RBFOX1: variants seen among roughly 807,000 people sequenced by gnomAD.
RBFOX1 encodes the protein RNA binding fox-1 homolog 1, also known as RNA binding protein fox-1 homolog 1.
In RBFOX1, 8 loss-of-function variants were observed where a neutral mutation model predicts 57.7. The ratio of observed to expected loss-of-function variants is 0.14; its 90% CI spans 0.08 to 0.25. RBFOX1 has a LOEUF of 0.25. Among genes scored for constraint, RBFOX1 ranks in the 10% least tolerant of loss-of-function variants. The pLI is 1.00. For missense variants in RBFOX1, 611 were observed against 548.5 expected (o/e 1.11, Z -1.14); for synonymous variants, 326 against 222.4 (o/e 1.47, Z -4.15).
At chr16:7,593,377 T>C (rs1451087072) in intron 7 of RBFOX1, among the ~76,000 whole-genome samples, 1 of 152,158 alleles carries the variant, frequency 6.6e-6, no homozygotes, top group Non-Finnish European at 1.5e-5. Context: ...CTCTCTTTTT[T>C]CCCTTTGAAG....
intron 1 of RBFOX1, among the ~76,000 whole-genome samples, chr16:5,257,280 C>A (rs2062612800): frequency 6.6e-6 from 1 of 152,206 alleles, no homozygotes; most frequent in Admixed American, 6.5e-5. Flanking sequence ...ACAACTAAGA[C>A]AGCTCCAGAG....
At chr16:5,277,319 G>A (rs73510312) in intron 1 of RBFOX1, among the ~76,000 whole-genome samples, 4,094 of 151,704 alleles carry the variant, frequency 0.027, 181 homozygotes, top group African/African-American at 0.093. Flanking sequence ...AGTGGGAGGG[G>A]GTGAGAGATA....
At chr16:6,928,557 C>T (rs1374227505) in intron 3 of RBFOX1, among the ~76,000 whole-genome samples, 1 of 152,016 alleles carries the variant, frequency 6.6e-6, no homozygotes, top group African/African-American at 2.4e-5. Flanking sequence ...ACCTTGTTGG[C>T]CCAAGGAAAT....
intron 2 of RBFOX1, among the ~76,000 whole-genome samples, chr16:5,501,079 G>C (rs4786034): frequency 1.3e-5 from 2 of 152,130 alleles, no homozygotes; most frequent in Admixed American, 6.5e-5. Context: ...ACTTTGGGAG[G>C]CCGAGGTGGG....
At chr16:6,317,355 T>A (rs1016085980) in intron 2 of RBFOX1, among the ~76,000 whole-genome samples, 1 of 151,964 alleles carries the variant, frequency 6.6e-6, no homozygotes, top group East Asian at 1.9e-4. Flanking sequence ...TTTCTTTTTT[T>A]CTCCCCCTAA....
At chr16:6,661,157 A>G (rs564464769) in intron 3 of RBFOX1, among the ~76,000 whole-genome samples, 3 of 152,282 alleles carry the variant, frequency 2.0e-5, no homozygotes, top group African/African-American at 4.8e-5. Context: ...TTCCTGTAAT[A>G]CCACTGATTT....
At chr16:6,836,631 C>T (rs540267318) in intron 3 of RBFOX1, among the ~76,000 whole-genome samples, 3 of 152,148 alleles carry the variant, frequency 2.0e-5, no homozygotes, top group Admixed American at 6.5e-5. Flanking sequence ...GAAGGTCTTA[C>T]GGACTTTCAC....
intron 1 of RBFOX1, among the ~76,000 whole-genome samples, chr16:6,088,570 C>T (rs2096123470): frequency 6.7e-6 from 1 of 148,442 alleles, no homozygotes; most frequent in Non-Finnish European, 1.5e-5. Context: ...AATACCAACT[C>T]TGTGTTAGGC....
At chr16:5,909,133 C>G (rs570673992) in intron 4 of RBFOX1, among the ~76,000 whole-genome samples, 2 of 128,104 alleles carry the variant, frequency 1.6e-5, no homozygotes, top group Non-Finnish European at 3.1e-5. Flanking sequence ...TGCTGTGTCA[C>G]CTAGGCTGGA....
At chr16:7,513,554 C>A (rs1377004777) in intron 4 of RBFOX1, among the ~76,000 whole-genome samples, 1 of 152,192 alleles carries the variant, frequency 6.6e-6, no homozygotes, top group East Asian at 1.9e-4. Context: ...TAGTCGTATA[C>A]TCTGTAAGAT....
At chr16:6,315,752 C>T (rs1343220332) in intron 1 of RBFOX1, among the ~76,000 whole-genome samples, 4 of 152,156 alleles carry the variant, frequency 2.6e-5, no homozygotes, top group Admixed American at 2.0e-4. Flanking sequence ...CACTGAATAG[C>T]TCTATCTATT....
Position 5,955,118 on chromosome 16 carries a change from TAAAAAAAAAA to T in RBFOX1, c.351+87801_351+87810del, listed in dbSNP as rs34488881. On this transcript the variant is annotated intron_variant, in intron 4 of 19. Transcript: ENST00000641259. ...CAACAGGGTGAAACTCCATCTCTAC[TAAAAAAAAAA>T]AAAAAAAAAAAAAAAAAGCCAGGCG... 2.2e-3 allele frequency among the ~76,000 whole-genome samples: 31 copies of T among 14,290 alleles called. 1 individual carries two copies. The highest frequency in any genetic ancestry group is 6.5e-3 in the Admixed American group (5 of 774). 9.4% of individuals were successfully genotyped at this position (14,290 alleles called of 152,430 possible).
chr16:6,788,241 T>G (rs2082294783), intron 3 of RBFOX1, among the ~76,000 whole-genome samples: 1 of 151,862 alleles, frequency 6.6e-6, no homozygotes, highest in South Asian at 2.1e-4. Flanking sequence ...AATAATAAAA[T>G]AAGCCAATGA....
At chr16:7,025,694 C>G (rs960037728) in intron 3 of RBFOX1, among the ~76,000 whole-genome samples, 1 of 151,728 alleles carries the variant, frequency 6.6e-6, no homozygotes, top group African/African-American at 2.4e-5. Flanking sequence ...GGCCTGGCCT[C>G]TGGAGCCTGC....
chr16:6,843,877 C>T (rs188683088), intron 3 of RBFOX1, among the ~76,000 whole-genome samples: 1 of 152,258 alleles, frequency 6.6e-6, no homozygotes, highest in East Asian at 1.9e-4. Flanking sequence ...TTCATATCCC[C>T]TGGATTGTCC....
chr16:5,984,976 A>ATTTTTTT (rs869160414), intron 4 of RBFOX1, among the ~76,000 whole-genome samples: 5 of 55,714 alleles, frequency 9.0e-5, no homozygotes, highest in African/African-American at 1.7e-4. Flanking sequence ...ATATATATAT[A>ATTTTTTT]TTTTTTTTTT....
At chr16:6,843,708 A>ATTT (rs2093614419) in intron 3 of RBFOX1, among the ~76,000 whole-genome samples, 1 of 152,206 alleles carries the variant, frequency 6.6e-6, no homozygotes, top group Non-Finnish European at 1.5e-5. Flanking sequence ...AAGTAAAATT[A>ATTT]TAAAAAAGCT....
At chr16:5,268,561 C>T (rs1325710953) in intron 1 of RBFOX1, among the ~76,000 whole-genome samples, 1 of 152,202 alleles carries the variant, frequency 6.6e-6, no homozygotes, top group Non-Finnish European at 1.5e-5. Context: ...TCTTCCTCCA[C>T]GATTGGAGCA....
chr16:5,967,929 G>A (rs188500316), intron 4 of RBFOX1, among the ~76,000 whole-genome samples: 1 of 152,202 alleles, frequency 6.6e-6, no homozygotes, highest in East Asian at 1.9e-4. Flanking sequence ...GTTTTTCGTA[G>A]TTGTGCTGTG....
Sources: allele counts gnomAD v4.1 joint callset (sites outside exome capture counted in the v4.1 genomes callset), GRCh38; gene constraint gnomAD v4.1.1; transcripts MANE v1.5; gene names NCBI Gene and HGNC (gene_info 2026-07-23, HGNC 2026-07-21).